TMEM115: variants seen among roughly 807,000 people sequenced by gnomAD.
The protein encoded by TMEM115 is PP6.
TMEM115 carries 8 observed loss-of-function variants against 20.1 expected under a neutral mutation model. That is an observed-to-expected ratio of 0.40 (90% CI 0.23 to 0.72). The LOEUF is 0.72. Ranked by LOEUF, TMEM115 falls within the 30% of genes least tolerant of loss-of-function variation. TMEM115 has a pLI of 0.39. For missense variants in TMEM115, 374 were observed against 455.1 expected, an observed-to-expected ratio of 0.82 and a Z score of 1.62; for synonymous variants, 229 against 206.2, an observed-to-expected ratio of 1.11 and a Z score of -0.95.
rs1703924376 is a variant in TMEM115, at chr3:50,359,146, G to A, written c.-83C>T. ...GCCTCGTCCTAGTCCGGCCCCGATG[G>A]GAGGCCCAGGCCCGGCCTAGTCACT... On this transcript the variant is annotated 5_prime_UTR_variant, in exon 1 of 2. Coordinates refer to ENST00000266025, the MANE Select transcript of TMEM115 (RefSeq NM_007024.5). 6.9e-7 allele frequency: 1 copy of A among 1,455,780 alleles called. No homozygotes were observed. The highest frequency in any genetic ancestry group is 1.5e-5 in the South Asian group (1 of 68,804). The allele number at this position is 1,455,780 out of a possible 1,614,324, so 90.2% of individuals were successfully genotyped here. A position where few individuals can be genotyped will look rare whatever the true frequency, so the allele number is the denominator to read the frequency against.
chr3:50,358,920 G>C lies in TMEM115; in HGVS notation c.144C>G (p.Thr48=). 1 of 1,612,900 alleles carries C rather than the reference G, an allele frequency of 6.2e-7. No homozygotes were observed. The highest frequency in any genetic ancestry group is 8.5e-7 in the Non-Finnish European group (1 of 1,179,948). Residue 48 remains threonine (T), a synonymous_variant, in exon 1 of 2, where the codon ACC becomes ACG. Transcript: ENST00000266025. ...FAVDTGCLAV[T]PGYLFPPNFW... ...AGTTGGGAGGAAAGAGGTAGCCCGG[G>C]GTGACCGCCAGGCAGCCTGTGTCCA...
chr3:50,355,432 G>A lies in TMEM115; in HGVS notation c.967C>T (p.Pro323Ser). ...ESGAKVDSPL[P>S]SDKAPTPPGK... ...GGGGGTGTGGGAGCTTTGTCTGAGG[G>A]CAGGGGGCTGTCCACCTTGGCCCCA... The change falls in exon 2 of 2, where the codon CCC becomes TCC. Residue 323 changes from proline to serine, a missense_variant. Pro to Ser is a moderately conservative substitution (Grantham distance 74). Transcript: ENST00000266025. 1 of 1,598,298 alleles carries A rather than the reference G, an allele frequency of 6.3e-7. No homozygotes were observed. Among genetic ancestry groups the A allele is most frequent in the Non-Finnish European group, 8.5e-7 (1 of 1,172,000 alleles).
Position 50,359,272 on chromosome 3 carries a change from G to A in TMEM115, c.-209C>T, listed in dbSNP as rs1371904139. 2.6e-6 allele frequency: 2 copies of A among 781,086 alleles called. No homozygotes were observed. The highest frequency in any genetic ancestry group is 3.9e-6 in the Non-Finnish European group (2 of 509,132). The allele number at this position is 781,086 out of a possible 1,614,324, so 48.4% of individuals were successfully genotyped here. ...TGCCGGGCCGCAGCGTAGGCCCCTC[G>A]CCCGGGACCTGAGGGAAGGCCCTGG... On this transcript the variant is annotated 5_prime_UTR_variant, in exon 1 of 2. Transcript: ENST00000266025.
chr3:50,355,445 C>A lies in TMEM115; in HGVS notation c.954G>T (p.Val318=). Residue 318 remains valine (V), a synonymous_variant, in exon 2 of 2, where the codon GTG becomes GTT. Coordinates refer to ENST00000266025, the MANE Select transcript of TMEM115 (RefSeq NM_007024.5). ...DDDEEESGAK[V]DSPLPSDKAP... The stretch of plus-strand genomic sequence containing the variant: ...CTTTGTCTGAGGGCAGGGGGCTGTC[C>A]ACCTTGGCCCCAGACTCCTCTTCAT... The A allele has an allele frequency of 6.2e-7, 1 of 1,603,580 alleles. No homozygotes were observed. Among genetic ancestry groups the A allele is most frequent in the Non-Finnish European group, 8.5e-7 (1 of 1,174,682 alleles).
In TMEM115 at chr3:50,358,288, C is replaced by T. The variant is rs1703907951; in HGVS notation, c.776G>A (p.Arg259His). ...GGAGGATGGGGCACCCACATCGTAG[C>T]GCTTCACCGTCTTCTGGCATATCTT... ...KVKICQKTVK[R>H]YDVGAPSSIT... The change falls in exon 1 of 2, where the codon CGC becomes CAC. Residue 259 changes from arginine to histidine, a missense_variant. By Grantham distance (29) the Arg-to-His change is conservative. Coordinates refer to ENST00000266025, the MANE Select transcript of TMEM115 (RefSeq NM_007024.5). The T allele has an allele frequency of 2.5e-6, 4 of 1,613,838 alleles. No individual in the cohort carries two copies. Among genetic ancestry groups the T allele is most frequent in the East Asian group, 4.5e-5 (2 of 44,888 alleles).
chr3:50,359,233 G>C lies in TMEM115; in HGVS notation c.-170C>G. ...GGTGGGGCTCTGGTCCCGAGGGGCC[G>C]AGTCGGGCCTTGTTGCCGGGCCGCA... On this transcript the variant is annotated 5_prime_UTR_variant, in exon 1 of 2. Transcript: ENST00000266025. 9.0e-7 allele frequency: 1 copy of C among 1,116,204 alleles called. No individual in the cohort carries two copies. Among genetic ancestry groups the C allele is most frequent in the Non-Finnish European group, 1.2e-6 (1 of 811,370 alleles). The allele number at this position is 1,116,204 out of a possible 1,614,324, so 69.1% of individuals were successfully genotyped here.
chr3:50,356,062 C>A (rs1231810197), intron 1 of TMEM115, among the ~76,000 whole-genome samples: 1 of 152,216 alleles, frequency 6.6e-6, no homozygotes, highest in Admixed American at 6.5e-5. Flanking sequence ...CCTTGGCTCT[C>A]AGCCCAGGAA....
rs2109382081 is a variant in TMEM115 at position 50,359,495 on chromosome 3, TCTC to T, written c.-435_-433del. ...GGCTCCTGGCTTCGACCGTACCTCTTCTCTCGGGGGGCCGACAAACAGGGGTGC... is the reference window on the plus strand; with the variant it reads ...GGCTCCTGGCTTCGACCGTACCTCTTTCGGGGGGCCGACAAACAGGGGTGC... On this transcript the variant is annotated 5_prime_UTR_variant, in exon 1 of 2. Transcript: ENST00000266025. 6.2e-6 allele frequency: 1 copy of T among 160,870 alleles called. No individual in the cohort carries two copies. The highest frequency in any genetic ancestry group is 1.4e-5 in the Non-Finnish European group (1 of 73,486). 10.0% of individuals were successfully genotyped at this position (160,870 alleles called of 1,614,324 possible).
intron 1 of TMEM115, among the ~76,000 whole-genome samples, chr3:50,355,905 C>T (rs759658760): frequency 2.6e-5 from 4 of 152,198 alleles, no homozygotes; most frequent in African/African-American, 4.8e-5. Context: ...ATGGGTGGAA[C>T]GGCAAGTTCT....
chr3:50,356,868 C>A (rs1703885120), intron 1 of TMEM115, among the ~76,000 whole-genome samples: 1 of 151,878 alleles, frequency 6.6e-6, no homozygotes, highest in Non-Finnish European at 1.5e-5. Context: ...TTGACCCTCC[C>A]TTCCTCCCCA....
chr3:50,358,887 G>A lies in TMEM115; in HGVS notation c.177C>T (p.Ile59=). ...TCAGCCCATGGGTGGCCAGGGTCCA[G>A]ATCCAGAAGTTGGGAGGAAAGAGGT... The part of the protein sequence containing the change: ...PGYLFPPNFW[I]WTLATHGLME... Residue 59 remains isoleucine (I), a synonymous_variant, in exon 1 of 2, where the codon ATC becomes ATT. Transcript: ENST00000266025. The A allele has an allele frequency of 6.2e-7, 1 of 1,613,250 alleles. No homozygotes were observed. Among genetic ancestry groups the A allele is most frequent in the Non-Finnish European group, 8.5e-7 (1 of 1,180,002 alleles).
At position 50,359,108 on chromosome 3, in the gene TMEM115, G is replaced by C. The variant is rs1004743833; in HGVS notation, c.-45C>G. On this transcript the variant is annotated 5_prime_UTR_variant, in exon 1 of 2. Coordinates refer to ENST00000266025, the MANE Select transcript of TMEM115 (RefSeq NM_007024.5). ...CTGAGAAAAGGGTCTGGTAGGCCAG[G>C]GGCCTCCCCGGGGCCTCGTCCTAGT... 5 of 1,513,868 alleles carry C rather than the reference G, an allele frequency of 3.3e-6. No homozygotes were observed. The highest frequency in any genetic ancestry group is 4.8e-4 in the Middle Eastern group (2 of 4,202). 93.8% of individuals were successfully genotyped at this position (1,513,868 alleles called of 1,614,324 possible).
intron 1 of TMEM115, among the ~76,000 whole-genome samples, chr3:50,356,972 G>A (rs1228164165): frequency 6.6e-6 from 1 of 152,164 alleles, no homozygotes; most frequent in South Asian, 2.1e-4. Flanking sequence ...CTCAGTGGAG[G>A]AGGGGTCCCC....
Position 50,358,515 on chromosome 3 carries a change from G to C in TMEM115, c.549C>G (p.Ala183=), listed in dbSNP as rs1318864468. 3 of 1,611,236 alleles carry C rather than the reference G, an allele frequency of 1.9e-6. No individual in the cohort carries two copies. The South Asian group carries it at 3.3e-5, about 18-fold the overall frequency. ...LLALLLLLRL[A]TLLQSPALAS... ...CCAGCGCCGGGCTCTGGAGCAGCGTGGCGAGCCGCAGCAGGAGCAGCAGCG... is the reference window on the plus strand; with the variant it reads ...CCAGCGCCGGGCTCTGGAGCAGCGTCGCGAGCCGCAGCAGGAGCAGCAGCG... Residue 183 remains alanine, a synonymous_variant, in exon 1 of 2, where the codon GCC becomes GCG. Coordinates refer to ENST00000266025, the MANE Select transcript of TMEM115 (RefSeq NM_007024.5).
chr3:50,357,105 A>G (rs1451829417), intron 1 of TMEM115, among the ~76,000 whole-genome samples: 1 of 152,132 alleles, frequency 6.6e-6, no homozygotes, highest in East Asian at 1.9e-4. Context: ...AGGGCTTATC[A>G]CCTATAAAGA....
Position 50,355,038 on chromosome 3 carries a change from G to C in TMEM115, c.*305C>G, listed in dbSNP as rs79012548. The C allele has an allele frequency of 5.1e-3, 1,505 of 296,478 alleles. 17 individuals carry two copies. The highest frequency in any genetic ancestry group is 0.023 in the African/African-American group (1,071 of 46,334). The allele number at this position is 296,478 out of a possible 1,614,324, so 18.4% of individuals were successfully genotyped here. On this transcript the variant is annotated 3_prime_UTR_variant, in exon 2 of 2. Coordinates refer to ENST00000266025, the MANE Select transcript of TMEM115 (RefSeq NM_007024.5). ...GTTTCAGATGTGAGGGCCGGCCCAG[G>C]AGCTGTGGCATCAGTGTCCCTGCAG... is the stretch of plus-strand genomic sequence containing the variant.
intron 1 of TMEM115, 171 bp downstream of exon 1, chr3:50,358,042 G>A: frequency 1.2e-6 from 1 of 843,148 alleles, no homozygotes. Context: ...GTGGACCCCA[G>A]ACACCTAACT....
intron 1 of TMEM115, 81 bp downstream of exon 1, chr3:50,358,131 TA>T (rs1330390013): frequency 1.3e-6 from 2 of 1,545,888 alleles, no homozygotes; most frequent in African/African-American, 2.7e-5. Flanking sequence ...TCCACCTATG[TA>T]CAGCGAACAC....
chr3:50,356,486 T>C (rs906747279), intron 1 of TMEM115, among the ~76,000 whole-genome samples: 7 of 152,154 alleles, frequency 4.6e-5, no homozygotes, highest in Admixed American at 2.0e-4. Flanking sequence ...ATCTCCACCA[T>C]GTCAGGGAAC....
Sources: allele counts gnomAD v4.1 joint callset (sites outside exome capture counted in the v4.1 genomes callset), GRCh38; gene constraint gnomAD v4.1.1; transcripts MANE v1.5; gene names NCBI Gene and HGNC (gene_info 2026-07-23, HGNC 2026-07-21).